Variants in ITFG1 observed in about 807,000 individuals in gnomAD.
ITFG1 encodes the protein T-cell immunomodulatory protein.
ITFG1 carries 34 observed loss-of-function variants against 81.8 expected under a neutral mutation model. The ratio of observed to expected loss-of-function variants is 0.42; its 90% confidence interval spans 0.32 to 0.55. The LOEUF (loss-of-function observed/expected upper bound fraction) is 0.55, where lower values mean the gene tolerates loss of function less well. Ranked by LOEUF, ITFG1 falls within the 20% of genes least tolerant of loss-of-function variation. ITFG1 has a pLI of 0.17. For synonymous variants in ITFG1, 285 were observed against 270.6 expected, an observed-to-expected ratio of 1.05 and a Z score of -0.52; for missense variants, 672 against 755.4, an observed-to-expected ratio of 0.89 and a Z score of 1.29.
chr16:47,199,209 G>A (rs7197973), intron 14 of ITFG1, among the ~76,000 whole-genome samples: 10,581 of 152,082 alleles, frequency 0.07, 600 homozygotes, highest in African/African-American at 0.15. Context: ...AGAGGTTGCA[G>A]TGAGCCGAGA....
chr16:47,429,417 T>C (rs563003863), intron 5 of ITFG1, among the ~76,000 whole-genome samples: 2 of 152,352 alleles, frequency 1.3e-5, no homozygotes, highest in South Asian at 4.1e-4. Flanking sequence ...AGTTTTTATG[T>C]GGACATATGT....
At chr16:47,354,314 T>C (rs1968009199) in intron 8 of ITFG1, among the ~76,000 whole-genome samples, 1 of 152,118 alleles carries the variant, frequency 6.6e-6, no homozygotes, top group South Asian at 2.1e-4. Flanking sequence ...GGACAGTCTC[T>C]TCAATAAATG....
intron 14 of ITFG1, among the ~76,000 whole-genome samples, chr16:47,206,083 C>T (rs1306899984): frequency 1.3e-5 from 2 of 152,092 alleles, no homozygotes; most frequent in African/African-American, 4.8e-5. Flanking sequence ...TCTGGCTAGT[C>T]TCAAACTCCT....
At chr16:47,332,423 C>T (rs1472551735) in intron 8 of ITFG1, among the ~76,000 whole-genome samples, 2 of 152,084 alleles carry the variant, frequency 1.3e-5, no homozygotes, top group Non-Finnish European at 2.9e-5. Flanking sequence ...ACAAGCACTT[C>T]ACGGCCACTA....
At chr16:47,315,580 C>T (rs1390126777) in intron 8 of ITFG1, among the ~76,000 whole-genome samples, 2 of 151,996 alleles carry the variant, frequency 1.3e-5, no homozygotes, top group South Asian at 2.1e-4. Context: ...ATATCTCATG[C>T]CTCTTTTGAC....
intron 10 of ITFG1, chr16:47,263,297 C>G (rs1966232914): frequency 8.9e-6 from 4 of 448,446 alleles, no homozygotes; most frequent in Non-Finnish European, 1.4e-5. Context: ...GGTTATGAAT[C>G]AGGGCTATTC....
intron 10 of ITFG1, among the ~76,000 whole-genome samples, chr16:47,287,199 T>C (rs555394634): frequency 3.9e-5 from 6 of 152,224 alleles, no homozygotes; most frequent in African/African-American, 7.2e-5. Context: ...CAGAATAACG[T>C]TGTGTTAACA....
At chr16:47,340,409 G>A (rs1289180961) in intron 8 of ITFG1, among the ~76,000 whole-genome samples, 1 of 152,000 alleles carries the variant, frequency 6.6e-6, no homozygotes, top group Admixed American at 6.6e-5. Flanking sequence ...AGGAATAAAA[G>A]AGCTATATAG....
intron 14 of ITFG1, among the ~76,000 whole-genome samples, chr16:47,197,888 A>G (rs1417674613): frequency 6.6e-6 from 1 of 152,220 alleles, no homozygotes; most frequent in Non-Finnish European, 1.5e-5. Context: ...TGAGAACTAC[A>G]TGACAAAATA....
chr16:47,158,024 T>TA (rs1275785848), intron 17 of ITFG1, among the ~76,000 whole-genome samples: 2 of 152,364 alleles, frequency 1.3e-5, no homozygotes, highest in Admixed American at 1.3e-4. Context: ...AATTATTATT[T>TA]AGAGTATTAT....
chr16:47,334,227 C>T (rs943018495), intron 8 of ITFG1, among the ~76,000 whole-genome samples: 2 of 152,040 alleles, frequency 1.3e-5, no homozygotes, highest in Non-Finnish European at 2.9e-5. Context: ...AGCAGGTGGA[C>T]TGCTTGAGCC....
At chr16:47,193,416 G>T (rs1241325969) in intron 14 of ITFG1, among the ~76,000 whole-genome samples, 1 of 151,972 alleles carries the variant, frequency 6.6e-6, no homozygotes, top group Non-Finnish European at 1.5e-5. Flanking sequence ...GCCTATTTTA[G>T]ATTTTTTATT....
intron 14 of ITFG1, among the ~76,000 whole-genome samples, chr16:47,216,905 G>A (rs990601066): frequency 2.6e-5 from 4 of 152,050 alleles, no homozygotes; most frequent in Non-Finnish European, 1.5e-5. Flanking sequence ...TGAACCACCC[G>A]CCTTGGTCTC....
At chr16:47,381,043 T>G (rs35052016) in intron 6 of ITFG1, among the ~76,000 whole-genome samples, 56 of 152,362 alleles carry the variant, frequency 3.7e-4, no homozygotes, top group Non-Finnish European at 7.1e-4. Flanking sequence ...ATGCTTCAAT[T>G]ATCTCCATTC....
chr16:47,302,481 T>C (rs1967091819), intron 10 of ITFG1, among the ~76,000 whole-genome samples: 1 of 152,176 alleles, frequency 6.6e-6, no homozygotes, highest in Non-Finnish European at 1.5e-5. Context: ...CAGCCCTCGC[T>C]TGCTCTCAGC....
intron 13 of ITFG1, 39 bp from the exon 14 acceptor site, chr16:47,218,985 A>G: frequency 7.0e-7 from 1 of 1,424,626 alleles, no homozygotes; most frequent in Non-Finnish European, 9.6e-7. Flanking sequence ...CTTGGAAAAT[A>G]AGTGAATTAT....
intron 12 of ITFG1, among the ~76,000 whole-genome samples, chr16:47,243,750 G>C (rs1237639361): frequency 2.0e-5 from 3 of 152,166 alleles, no homozygotes; most frequent in African/African-American, 7.2e-5. Flanking sequence ...CCATTTAAAA[G>C]TATGTGTTGG....
At chr16:47,406,068 GAA>G (rs1968724880) in intron 6 of ITFG1, among the ~76,000 whole-genome samples, 1 of 152,076 alleles carries the variant, frequency 6.6e-6, no homozygotes, top group African/African-American at 2.4e-5. Context: ...CCTTATCAGA[GAA>G]CATAATGATA....
intron 10 of ITFG1, among the ~76,000 whole-genome samples, chr16:47,301,000 T>G (rs1382692712): frequency 1.3e-5 from 2 of 152,250 alleles, no homozygotes; most frequent in East Asian, 3.8e-4. Flanking sequence ...ATAAGTAGAC[T>G]ATATGATTTT....
Sources: gnomAD v4.1 joint callset for allele counts (sites outside exome capture counted in the v4.1 genomes callset) on GRCh38, gnomAD v4.1.1 for gene constraint, MANE v1.5 for transcripts, NCBI Gene and HGNC (gene_info 2026-07-23, HGNC 2026-07-21) for gene names.